The following MTA3 variants were observed in gnomAD, a reference collection of about 807,000 sequenced individuals.
MTA3 encodes the protein metastasis-associated protein MTA3.
In MTA3, 34 loss-of-function variants were observed where a neutral mutation model predicts 83.5. The observed-to-expected ratio is 0.41, with a 90% CI of 0.31 to 0.54. MTA3 has a LOEUF of 0.54. Among genes scored for constraint, MTA3 ranks in the 20% least tolerant of loss-of-function variants. MTA3 has a pLI of 0.33. For synonymous variants in MTA3, 303 were observed against 252.7 expected, an observed-to-expected ratio of 1.20 and a Z score of -1.89; for missense variants, 761 against 726.4, an observed-to-expected ratio of 1.05 and a Z score of -0.55.
chr2:42,585,319 C>T (rs998971548), intron 3 of MTA3, among the ~76,000 whole-genome samples: 4 of 151,950 alleles, frequency 2.6e-5, no homozygotes, highest in African/African-American at 7.3e-5. Context: ...AACTCCCAAC[C>T]TCAGGTGATC....
intron 14 of MTA3, among the ~76,000 whole-genome samples, chr2:42,711,411 G>GAA (rs1666598608): frequency 6.6e-6 from 1 of 152,084 alleles, no homozygotes. Context: ...TAAGCATATA[G>GAA]ATTATAGTAA....
intron 2 of MTA3, among the ~76,000 whole-genome samples, chr2:42,553,252 G>A (rs979726480): frequency 2.0e-5 from 3 of 151,436 alleles, no homozygotes; most frequent in East Asian, 2.0e-4. Flanking sequence ...GGTGAAACCC[G>A]TCTCCACTAA....
chr2:42,691,926 C>T (rs565071977), intron 9 of MTA3, among the ~76,000 whole-genome samples: 12 of 152,122 alleles, frequency 7.9e-5, no homozygotes, highest in Non-Finnish European at 1.2e-4. Flanking sequence ...TTTTTGCTCT[C>T]GTTGCTTTTG....
At chr2:42,589,552 T>C (rs1221413216) in intron 3 of MTA3, among the ~76,000 whole-genome samples, 1 of 152,136 alleles carries the variant, frequency 6.6e-6, no homozygotes, top group Non-Finnish European at 1.5e-5. Flanking sequence ...ACCACCTCTT[T>C]TTGGATTTTT....
intron 2 of MTA3, among the ~76,000 whole-genome samples, chr2:42,558,912 TG>T (rs1558435286): frequency 6.6e-6 from 1 of 151,916 alleles, no homozygotes; most frequent in African/African-American, 2.4e-5. Flanking sequence ...CAGGATTTCT[TG>T]GGGTGGAGCT....
At chr2:42,634,541 G>T (rs990009152) in intron 4 of MTA3, among the ~76,000 whole-genome samples, 1 of 152,132 alleles carries the variant, frequency 6.6e-6, no homozygotes. Context: ...CTGCCCCCGT[G>T]ATCCAATCAC....
chr2:42,661,277 T>C (rs1043554870), intron 8 of MTA3, among the ~76,000 whole-genome samples: 1 of 151,996 alleles, frequency 6.6e-6, no homozygotes, highest in Admixed American at 6.6e-5. Flanking sequence ...GGCCAGTGGA[T>C]TGCTTGAGCT....
At chr2:42,546,163 A>G (rs1328805202) in intron 2 of MTA3, among the ~76,000 whole-genome samples, 1 of 152,180 alleles carries the variant, frequency 6.6e-6, no homozygotes, top group African/African-American at 2.4e-5. Context: ...GCTAACAGCA[A>G]TAACAATGGA....
At chr2:42,606,423 G>T (rs1221971165) in intron 3 of MTA3, among the ~76,000 whole-genome samples, 2 of 151,602 alleles carry the variant, frequency 1.3e-5, no homozygotes, top group African/African-American at 4.8e-5. Context: ...TCCCAGACGG[G>T]GCGGCGGGGC....
At chr2:42,731,553 A>C (rs1376731845) in intron 16 of MTA3, among the ~76,000 whole-genome samples, 3 of 152,192 alleles carry the variant, frequency 2.0e-5, no homozygotes, top group Non-Finnish European at 4.4e-5. Flanking sequence ...CACTATGACA[A>C]GAATAGCGTG....
At chr2:42,677,599 C>G (rs868429255) in intron 8 of MTA3, among the ~76,000 whole-genome samples, 2 of 152,130 alleles carry the variant, frequency 1.3e-5, no homozygotes, top group Non-Finnish European at 2.9e-5. Flanking sequence ...CTGCCTCAGC[C>G]TCCCAAAGTA....
intron 2 of MTA3, among the ~76,000 whole-genome samples, chr2:42,518,231 C>T (rs1018456225): frequency 6.6e-6 from 1 of 151,992 alleles, no homozygotes; most frequent in Non-Finnish European, 1.5e-5. Context: ...GCACTAAGCA[C>T]CCATATCTTG....
rs1350684032 is a variant in MTA3 at position 42,744,872 on chromosome 2, A to G, written c.1760-8502A>G. Among the ~76,000 whole-genome samples the G allele has an allele frequency of 2.6e-5, 4 of 152,178 alleles. No homozygotes were observed. In the East Asian group the frequency reaches 7.7e-4, roughly 29 times the overall value. On this transcript the variant is annotated intron_variant, in intron 16 of 16. Coordinates refer to ENST00000405094, the MANE Select transcript of MTA3 (RefSeq NM_001330442.2). The stretch of plus-strand genomic sequence containing the variant: ...ATTGATTTAGGCATCCCCCTGAGCA[A>G]TCTGTTCACGTCCTCATGAAGAAGT...
Position 42,686,949 on chromosome 2 carries a change from T to C in MTA3, c.891+4360T>C, listed in dbSNP as rs1692425836. Among the ~76,000 whole-genome samples, 4 of 146,076 alleles carry C rather than the reference T, an allele frequency of 2.7e-5. No individual in the cohort carries two copies. In the South Asian group the frequency reaches 8.6e-4, roughly 31 times the overall value. ...GGCTGGCCAATATGGTGAAACCCCA[T>C]CTCTACAAAAAAAAAAAAAATACAA... On this transcript the variant is annotated intron_variant, in intron 9 of 16. Transcript: ENST00000405094.
rs1214280550 is a variant in MTA3 at position 42,561,820 on chromosome 2, G to A, written c.-140-8617G>A. ...CTGTGTCCCTTAATCTGTGTATACTGTATACTGCTCTAAGTGTTTTCTGGG... is the reference window on the plus strand; with the variant it reads ...CTGTGTCCCTTAATCTGTGTATACTATATACTGCTCTAAGTGTTTTCTGGG... On this transcript the variant is annotated intron_variant, in intron 2 of 17. Coordinates refer to the MTA3 transcript ENST00000405592. Among the ~76,000 whole-genome samples the A allele has an allele frequency of 2.0e-5, 3 of 152,186 alleles. No individual in the cohort carries two copies. The East Asian group carries it at 5.8e-4, about 29-fold the overall frequency.
rs568956204 is a variant in MTA3, at chr2:42,552,093, A to G, written c.-140-18344A>G. On this transcript the variant is annotated intron_variant, in intron 2 of 17. Transcript: ENST00000405592. ...GGCTGGTATCAAATTCCTGGGCTCAAGCAGTCCTCCCACCTCTGCCTCCCA... is the reference window on the plus strand; with the variant it reads ...GGCTGGTATCAAATTCCTGGGCTCAGGCAGTCCTCCCACCTCTGCCTCCCA... Among the ~76,000 whole-genome samples the G allele has an allele frequency of 2.0e-5, 3 of 152,124 alleles. No homozygotes were observed. In the East Asian group the frequency reaches 5.8e-4, roughly 29 times the overall value.
At chr2:42,606,431 G>A (rs1450570058) in intron 3 of MTA3, among the ~76,000 whole-genome samples, 1 of 149,610 alleles carries the variant, frequency 6.7e-6, no homozygotes, top group South Asian at 2.1e-4. Flanking sequence ...GGGGCGGCGG[G>A]GCAGAGGCGC....
chr2:42,690,849 A>ATTTTT (rs1692822017), intron 9 of MTA3, among the ~76,000 whole-genome samples: 1 of 130,008 alleles, frequency 7.7e-6, no homozygotes, highest in African/African-American at 3.1e-5. Flanking sequence ...TAATTTTTGT[A>ATTTTT]TTTTTATTTT....
chr2:42,525,840 G>A (rs369061572), intron 2 of MTA3, among the ~76,000 whole-genome samples: 16 of 150,978 alleles, frequency 1.1e-4, no homozygotes, highest in African/African-American at 3.4e-4. Context: ...TGTATTTTTC[G>A]GTAGAGACGG....
Sources: allele counts gnomAD v4.1 joint callset (sites outside exome capture counted in the v4.1 genomes callset), GRCh38; gene constraint gnomAD v4.1.1; transcripts MANE v1.5; gene names NCBI Gene and HGNC (gene_info 2026-07-23, HGNC 2026-07-21).